Variants in LYPD6 observed in about 807,000 individuals in gnomAD.
LYPD6 encodes the protein ly6/PLAUR domain-containing protein 6.
LYPD6 carries 15 observed loss-of-function variants against 22.7 expected under a neutral mutation model. That is an observed-to-expected ratio of 0.66 (90% CI 0.44 to 1.02). The LOEUF is 1.02. LYPD6 is among the 50% of genes least tolerant of loss of function. The probability of loss-of-function intolerance (pLI) is 0.00; values close to 1 mark genes in which losing one functional copy is unlikely to be tolerated. For missense variants in LYPD6, 189 were observed against 208.4 expected (o/e 0.91, Z 0.57); for synonymous variants, 72 against 77.5 (o/e 0.93, Z 0.37).
intron 1 of LYPD6, among the ~76,000 whole-genome samples, chr2:149,350,646 A>G (rs1681341225): frequency 6.6e-6 from 1 of 152,240 alleles, no homozygotes; most frequent in Admixed American, 6.5e-5. Flanking sequence ...ACGTGGGTAG[A>G]TGCTACCCAT....
At chr2:149,331,842 T>G (rs1680944677) in intron 1 of LYPD6, among the ~76,000 whole-genome samples, 1 of 152,226 alleles carries the variant, frequency 6.6e-6, no homozygotes, top group Admixed American at 6.5e-5. Context: ...CTTGTTAAAT[T>G]GACTTGCGGT....
intron 1 of LYPD6, among the ~76,000 whole-genome samples, chr2:149,410,293 A>G (rs970794746): frequency 6.6e-6 from 1 of 152,142 alleles, no homozygotes; most frequent in Non-Finnish European, 1.5e-5. Flanking sequence ...AGTTGTTTTT[A>G]ATCTTGTAAA....
At chr2:149,422,551 T>C (rs1025991124) in intron 1 of LYPD6, among the ~76,000 whole-genome samples, 1 of 152,172 alleles carries the variant, frequency 6.6e-6, no homozygotes, top group Admixed American at 6.6e-5. Flanking sequence ...GTGAAATGAT[T>C]AAATCAGGCT....
chr2:149,411,989 A>T (rs1382088994), intron 1 of LYPD6, among the ~76,000 whole-genome samples: 2 of 152,120 alleles, frequency 1.3e-5, no homozygotes, highest in Non-Finnish European at 2.9e-5. Context: ...AGTCTGTACG[A>T]TATTCTTTTG....
intron 3 of LYPD6, among the ~76,000 whole-genome samples, chr2:149,456,546 T>C (rs552126537): frequency 6.6e-6 from 1 of 152,264 alleles, no homozygotes; most frequent in African/African-American, 2.4e-5. Context: ...TATTTGGAAA[T>C]AGTTTTTAGA....
intron 1 of LYPD6, among the ~76,000 whole-genome samples, chr2:149,428,324 G>A (rs962765456): frequency 6.6e-6 from 1 of 152,210 alleles, no homozygotes; most frequent in African/African-American, 2.4e-5. Context: ...TGGGCAAAGG[G>A]AGATTTATTG....
chr2:149,426,461 A>T (rs1240126735), intron 1 of LYPD6, among the ~76,000 whole-genome samples: 1 of 152,150 alleles, frequency 6.6e-6, no homozygotes, highest in Non-Finnish European at 1.5e-5. Flanking sequence ...CACGTTCTCT[A>T]ACCCTTTCTT....
At chr2:149,373,370 G>T (rs1419094844) in intron 1 of LYPD6, among the ~76,000 whole-genome samples, 7 of 152,268 alleles carry the variant, frequency 4.6e-5, no homozygotes, top group South Asian at 2.1e-4. Context: ...TGCTGGCATG[G>T]TATTTAAAGC....
intron 1 of LYPD6, among the ~76,000 whole-genome samples, chr2:149,377,791 C>T (rs1361229034): frequency 9.1e-6 from 1 of 109,402 alleles, no homozygotes; most frequent in Non-Finnish European, 1.9e-5. Context: ...ACCCCCCCCC[C>T]CACCCCCCCA....
At chr2:149,481,354 A>G in the LYPD6 span, among the ~76,000 whole-genome samples, 19 of 152,346 alleles carry the variant, frequency 1.2e-4, no homozygotes, top group East Asian at 2.7e-3. Flanking sequence ...TAAAACTAGC[A>G]TCTCTTGCTG....
Position 149,449,116 on chromosome 2 carries a change from C to T in LYPD6, c.186C>T (p.Asn62=). 5.0e-6 allele frequency: 8 copies of T among 1,613,142 alleles called. No homozygotes were observed. The highest frequency in any genetic ancestry group is 6.8e-6 in the Non-Finnish European group (8 of 1,179,540). The part of the protein sequence containing the change: ...CEKAADNYEC[N]RWAPDIYCPR... ...AGGCAGCAGACAATTATGAGTGCAA[C>T]CGATGGGCTCCAGACATCTACTGCC... The change falls in exon 3 of 5, where the codon AAC becomes AAT. Residue 62 remains asparagine (N), a synonymous_variant. Transcript: ENST00000334166.
At chr2:149,475,831 T>C (rs1681443280), downstream of LYPD6, among the ~76,000 whole-genome samples, 1 of 152,230 alleles carries the variant, frequency 6.6e-6, no homozygotes, top group African/African-American at 2.4e-5. Flanking sequence ...ATAGCTTTCA[T>C]AGATAAAGCT....
chr2:149,392,525 C>T (rs1454262239), intron 1 of LYPD6, among the ~76,000 whole-genome samples: 1 of 152,190 alleles, frequency 6.6e-6, no homozygotes, highest in African/African-American at 2.4e-5. Flanking sequence ...ACAGGGTAAC[C>T]AGTCCCCCTG....
rs898737319 is a variant in LYPD6 at position 149,471,566 on chromosome 2, A to G, written c.*716A>G. 2 of 152,216 alleles carry G rather than the reference A, an allele frequency of 1.3e-5. No individual in the cohort carries two copies. The highest frequency in any genetic ancestry group is 4.8e-5 in the African/African-American group (2 of 41,454). The allele number at this position is 152,216 out of a possible 1,614,324, so 9.4% of individuals were successfully genotyped here. On this transcript the variant is annotated 3_prime_UTR_variant, in exon 5 of 5. Transcript: ENST00000334166. ...CATAAAGTGGCTGTTATCCCTTCAT[A>G]TAATTGGTGAGATCAGCCTTCTCCT... is the stretch of plus-strand genomic sequence containing the variant.
At chr2:149,354,355 A>ATG (rs2105061795) in intron 1 of LYPD6, among the ~76,000 whole-genome samples, 1 of 152,148 alleles carries the variant, frequency 6.6e-6, no homozygotes, top group Admixed American at 6.5e-5. Context: ...TTACAGGTGC[A>ATG]TGCCACCACA....
At chr2:149,447,570 T>C (rs557495688) in intron 2 of LYPD6, among the ~76,000 whole-genome samples, 39 of 152,340 alleles carry the variant, frequency 2.6e-4, no homozygotes, top group African/African-American at 9.1e-4. Context: ...ATGAAGACTC[T>C]TCTCTTAGCT....
At chr2:149,346,901 A>G (rs1024792335) in intron 1 of LYPD6, among the ~76,000 whole-genome samples, 11 of 152,082 alleles carry the variant, frequency 7.2e-5, no homozygotes, top group Non-Finnish European at 1.2e-4. Context: ...GGGTTTCACC[A>G]TGTTGGCCAG....
At chr2:149,477,345 G>A (rs974121105), downstream of LYPD6, among the ~76,000 whole-genome samples, 20 of 151,936 alleles carry the variant, frequency 1.3e-4, no homozygotes, top group African/African-American at 2.9e-4. Flanking sequence ...AAGGTCAGCC[G>A]GGCGTGGTGG....
chr2:149,364,072 T>G (rs1213301658), intron 1 of LYPD6, among the ~76,000 whole-genome samples: 1 of 152,150 alleles, frequency 6.6e-6, no homozygotes, highest in Non-Finnish European at 1.5e-5. Flanking sequence ...AAGGTACGAC[T>G]TATAGAAGAT....
Sources: gnomAD v4.1 joint callset for allele counts (sites outside exome capture counted in the v4.1 genomes callset) on GRCh38, gnomAD v4.1.1 for gene constraint, MANE v1.5 for transcripts, NCBI Gene and HGNC (gene_info 2026-07-23, HGNC 2026-07-21) for gene names.